The following GLCCI1 variants were observed in gnomAD, a reference collection of about 807,000 sequenced individuals.
GLCCI1 encodes glucocorticoid-induced transcript 1 protein.
Under a neutral mutation model 52.2 loss-of-function variants are expected in GLCCI1, and 24 were observed. The observed-to-expected ratio is 0.46, with a 90% CI of 0.33 to 0.65. The LOEUF is 0.65. GLCCI1 is among the 30% of genes least tolerant of loss of function. The pLI, the probability that GLCCI1 is intolerant of heterozygous loss-of-function variation, is 0.02. For missense variants in GLCCI1, 704 were observed against 701.5 expected (o/e 1.00, Z -0.04); for synonymous variants, 310 against 276.5 (o/e 1.12, Z -1.20).
At position 8,060,142 on chromosome 7, in the gene GLCCI1, T is replaced by G; in HGVS notation, c.860T>G (p.Val287Gly). The change falls in exon 5 of 8, where the codon GTG becomes GGG. Residue 287 changes from valine to glycine, a missense_variant. Val to Gly is a moderately radical substitution (Grantham distance 109). Transcript: ENST00000223145. ...CCTATGCCACTGTCAAATATATCAG[T>G]GCCAAAATCATCTGTTTCGCGTGTG... ...SVPMPLSNIS[V>G]PKSSVSRVPC... 1 of 1,613,802 alleles carries G rather than the reference T, an allele frequency of 6.2e-7. No individual in the cohort carries two copies. The highest frequency in any genetic ancestry group is 8.5e-7 in the Non-Finnish European group (1 of 1,179,770).
intron 1 of GLCCI1, among the ~76,000 whole-genome samples, chr7:7,983,315 T>G (rs1036708552): frequency 6.6e-6 from 1 of 152,194 alleles, no homozygotes; most frequent in Non-Finnish European, 1.5e-5. Flanking sequence ...TTGTTCATTT[T>G]AAAATATTAT....
At chr7:8,049,869 CTTTGTT>C (rs1430084643) in intron 3 of GLCCI1, among the ~76,000 whole-genome samples, 1 of 152,214 alleles carries the variant, frequency 6.6e-6, no homozygotes, top group East Asian at 1.9e-4. Flanking sequence ...TGGGAAGGTA[CTTTGTT>C]TTTGAGTTTT....
chr7:8,018,657 C>T (rs1781423885), intron 2 of GLCCI1, among the ~76,000 whole-genome samples: 1 of 152,048 alleles, frequency 6.6e-6, no homozygotes, highest in Non-Finnish European at 1.5e-5. Flanking sequence ...AGAAAAGGAC[C>T]CCTTCTACCT....
At chr7:7,992,035 AATTT>A (rs1288643412) in intron 1 of GLCCI1, among the ~76,000 whole-genome samples, 1 of 142,320 alleles carries the variant, frequency 7.0e-6, no homozygotes, top group South Asian at 2.3e-4. Flanking sequence ...GGAATATTAG[AATTT>A]ATTTTTTCTT....
chr7:8,083,101 T>A (rs551592621), intron 6 of GLCCI1, among the ~76,000 whole-genome samples: 5 of 152,332 alleles, frequency 3.3e-5, no homozygotes, highest in South Asian at 2.1e-4. Context: ...TCTCATGCCA[T>A]ATCTACTTGT....
intron 2 of GLCCI1, among the ~76,000 whole-genome samples, chr7:8,005,440 G>T (rs1408148345): frequency 6.6e-6 from 1 of 152,096 alleles, no homozygotes; most frequent in African/African-American, 2.4e-5. Context: ...ACCGTGTACT[G>T]TTTGTTTTAT....
intron 6 of GLCCI1, among the ~76,000 whole-genome samples, chr7:8,083,285 G>A (rs997175768): frequency 1.3e-5 from 2 of 151,884 alleles, no homozygotes; most frequent in African/African-American, 4.8e-5. Context: ...CCTTTGCCTG[G>A]TTTGTTGCTG....
intron 1 of GLCCI1, among the ~76,000 whole-genome samples, chr7:7,982,540 A>C (rs1176521237): frequency 1.3e-5 from 2 of 152,172 alleles, no homozygotes; most frequent in Non-Finnish European, 2.9e-5. Context: ...CGTGTTTATA[A>C]AGGCAAAGGG....
intron 3 of GLCCI1, among the ~76,000 whole-genome samples, chr7:8,033,050 T>A (rs1239805891): frequency 1.3e-5 from 2 of 151,964 alleles, no homozygotes; most frequent in East Asian, 3.9e-4. Flanking sequence ...AGGGATTATA[T>A]ACCCTGAGTA....
chr7:8,067,676 A>G (rs1782661398), intron 5 of GLCCI1, among the ~76,000 whole-genome samples: 1 of 152,034 alleles, frequency 6.6e-6, no homozygotes, highest in South Asian at 2.1e-4. Flanking sequence ...AATAGGCTCC[A>G]ATCTCTTTTG....
At chr7:8,082,478 C>G (rs148464469) in intron 6 of GLCCI1, among the ~76,000 whole-genome samples, 10 of 152,168 alleles carry the variant, frequency 6.6e-5, no homozygotes, top group Non-Finnish European at 1.5e-4. Context: ...TACAGTCTCT[C>G]TGATTGCATA....
intron 6 of GLCCI1, among the ~76,000 whole-genome samples, chr7:8,079,631 A>G (rs1782952729): frequency 6.6e-6 from 1 of 151,622 alleles, no homozygotes; most frequent in Non-Finnish European, 1.5e-5. Context: ...ATGTTGTGGA[A>G]GAAGCACTGT....
chr7:8,037,304 G>T lies in GLCCI1; in HGVS notation c.696+14735G>T, dbSNP rs112627122. ...TTTGTATGCTGGTAAACTCAGCTCG[G>T]TAAGTGAAGGGGAAATAGTATTTCC... On this transcript the variant is annotated intron_variant, in intron 3 of 7. Transcript: ENST00000223145. 2.6e-4 allele frequency among the ~76,000 whole-genome samples: 39 copies of T among 152,292 alleles called. 1 individual carries two copies. The highest frequency in any genetic ancestry group is 5.8e-4 in the African/African-American group (24 of 41,572).
At chr7:7,975,581 A>C (rs1295780615) in intron 1 of GLCCI1, among the ~76,000 whole-genome samples, 1 of 152,242 alleles carries the variant, frequency 6.6e-6, no homozygotes, top group East Asian at 1.9e-4. Flanking sequence ...TTCTAAGCTA[A>C]AAGAATGACA....
chr7:8,048,553 A>G (rs1413889138), intron 3 of GLCCI1, among the ~76,000 whole-genome samples: 4 of 152,126 alleles, frequency 2.6e-5, no homozygotes, highest in African/African-American at 9.7e-5. Flanking sequence ...AATTATGGGG[A>G]ACATACATGA....
At chr7:8,031,237 G>A (rs1179055238) in intron 3 of GLCCI1, among the ~76,000 whole-genome samples, 2 of 152,038 alleles carry the variant, frequency 1.3e-5, no homozygotes, top group African/African-American at 4.8e-5. Flanking sequence ...TCATAATGAC[G>A]TCCAGTTCCA....
chr7:8,045,672 T>C (rs550341451), intron 3 of GLCCI1, among the ~76,000 whole-genome samples: 10 of 152,180 alleles, frequency 6.6e-5, no homozygotes, highest in African/African-American at 2.4e-4. Context: ...TATGCAAAAA[T>C]AGGAATGTAA....
intron 1 of GLCCI1, among the ~76,000 whole-genome samples, chr7:7,977,010 T>C (rs887369364): frequency 2.0e-5 from 3 of 152,146 alleles, no homozygotes; most frequent in Non-Finnish European, 4.4e-5. Context: ...TCCTGTCTAG[T>C]GTTACTGAAG....
intron 3 of GLCCI1, among the ~76,000 whole-genome samples, chr7:8,033,691 C>G (rs185194579): frequency 6.6e-6 from 1 of 151,820 alleles, no homozygotes; most frequent in African/African-American, 2.4e-5. Flanking sequence ...AGAGACCACT[C>G]CAGAATTTAT....
Sources: allele counts gnomAD v4.1 joint callset (sites outside exome capture counted in the v4.1 genomes callset), GRCh38; gene constraint gnomAD v4.1.1; transcripts MANE v1.5; gene names NCBI Gene and HGNC (gene_info 2026-07-23, HGNC 2026-07-21).